The following CPAMD8 variants were observed in gnomAD, a reference collection of about 807,000 sequenced individuals.
CPAMD8 encodes C3 and PZP-like alpha-2-macroglobulin domain-containing protein 8.
In CPAMD8, 146 loss-of-function variants were observed where a neutral mutation model predicts 224.7. That is an observed-to-expected ratio of 0.65 (90% CI 0.57 to 0.75). The LOEUF is 0.75. Among genes scored for constraint, CPAMD8 ranks in the 30% least tolerant of loss-of-function variants. The pLI, the probability that CPAMD8 is intolerant of heterozygous loss-of-function variation, is 0.00. For synonymous variants in CPAMD8, 966 were observed against 1,044.6 expected (o/e 0.92, Z 1.45); for missense variants, 2,301 against 2,537.5 (o/e 0.91, Z 2.00).
At chr19:16,904,432 A>AAGGC (rs746817106) in intron 31 of CPAMD8, 34 bp downstream of exon 31, 1 of 1,613,884 alleles carries the variant, frequency 6.2e-7, no homozygotes, top group Non-Finnish European at 8.5e-7. Context: ...AGGTATGGCC[A>AAGGC]AGGCAGGCAC....
chr19:16,935,116 G>A (rs1214478672), intron 23 of CPAMD8, among the ~76,000 whole-genome samples: 1 of 152,056 alleles, frequency 6.6e-6, no homozygotes, highest in Non-Finnish European at 1.5e-5. Context: ...TTAACTTAAA[G>A]TTTTGCTAAG....
chr19:16,973,569 G>A (rs762859530), intron 17 of CPAMD8, among the ~76,000 whole-genome samples: 1 of 151,942 alleles, frequency 6.6e-6, no homozygotes, highest in East Asian at 1.9e-4. Context: ...GGCTGGTCTC[G>A]AACTCCTGAC....
In CPAMD8 at chr19:16,896,332, A is replaced by G; in HGVS notation, c.5276-6T>C. On this transcript the variant is annotated splice_region_variant and splice_polypyrimidine_tract_variant and intron_variant, in intron 40 of 41. Coordinates refer to ENST00000443236, the MANE Select transcript of CPAMD8 (RefSeq NM_015692.5). ...CGAGGCCGGCAGCCGCTGCTCTGGA[A>G]GGAAGGGGGCCTCGGTCGGGAGGGC... The G allele has an allele frequency of 6.2e-7, 1 of 1,601,636 alleles. No homozygotes were observed. The highest frequency in any genetic ancestry group is 8.5e-7 in the Non-Finnish European group (1 of 1,174,090).
Position 16,976,051 on chromosome 19 carries a change from T to C in CPAMD8, c.1859A>G (p.Asp620Gly). 1 of 1,611,176 alleles carries C rather than the reference T, an allele frequency of 6.2e-7. No homozygotes were observed. The highest frequency in any genetic ancestry group is 8.5e-7 in the Non-Finnish European group (1 of 1,178,758). The change falls in exon 16 of 42, where the codon GAT (aspartate) becomes GGT (glycine). Residue 620 changes from aspartate to glycine, a missense_variant. Physicochemically the swap from Asp to Gly is moderately conservative, Grantham distance 94. Transcript: ENST00000443236. Reference sequence around the variant, plus strand: ...AGACCTGAGCAGGTAGACACTCTTATCAACTGCGGCGACGCACACACAGCT... The same window carrying C: ...AGACCTGAGCAGGTAGACACTCTTACCAACTGCGGCGACGCACACACAGCT... ...RGSCVCVAAV[D>G]KSVYLLRSGF...
At chr19:16,999,550 A>T (rs1373104451) in intron 10 of CPAMD8, among the ~76,000 whole-genome samples, 1 of 149,054 alleles carries the variant, frequency 6.7e-6, no homozygotes, top group Non-Finnish European at 1.5e-5. Flanking sequence ...ACGCCATTGC[A>T]CTCCAGCCTG....
At chr19:17,001,457 G>GGGAAGGGAGATGCTAGTACCC (rs2056319217) in intron 9 of CPAMD8, among the ~76,000 whole-genome samples, 1 of 146,722 alleles carries the variant, frequency 6.8e-6, no homozygotes, top group Admixed American at 6.9e-5. Context: ...GGTGGGGTTG[G>GGGAAGGGAGATGCTAGTACCC]GAGGGTCACA....
chr19:16,946,083 G>A (rs1168683478), intron 21 of CPAMD8, among the ~76,000 whole-genome samples: 1 of 152,100 alleles, frequency 6.6e-6, no homozygotes, highest in Non-Finnish European at 1.5e-5. Flanking sequence ...AAGTTTGTAT[G>A]TGTATATGCA....
intron 3 of CPAMD8, among the ~76,000 whole-genome samples, chr19:17,012,342 C>CTTTTTTTTTT (rs2056680346): frequency 8.3e-6 from 1 of 119,952 alleles, no homozygotes; most frequent in Non-Finnish European, 1.8e-5. Flanking sequence ...TTCTTTCTTT[C>CTTTTTTTTTT]TTTCTTTCTT....
chr19:16,929,073 G>C lies in CPAMD8; in HGVS notation c.3013C>G (p.His1005Asp), dbSNP rs766779709. 1.2e-6 allele frequency: 2 copies of C among 1,613,628 alleles called. No individual in the cohort carries two copies. The highest frequency in any genetic ancestry group is 3.3e-5 in the Admixed American group (2 of 59,968). ...AGMIEIVLGGHQNTRSWISTS... is the reference protein window; with the variant it reads ...AGMIEIVLGGDQNTRSWISTS... ...GAGATCCATGACCTGGTGTTCTGAT[G>C]CCCCCCCAGGACGATCTCGATCATG... The change falls in exon 24 of 42, where the codon CAT becomes GAT. Residue 1005 changes from histidine to aspartate, a missense_variant. Transcript: ENST00000443236.
chr19:17,025,671 A>T (rs2057061781), intron 1 of CPAMD8, among the ~76,000 whole-genome samples: 1 of 152,114 alleles, frequency 6.6e-6, no homozygotes, highest in South Asian at 2.1e-4. Context: ...GGGAGACAAA[A>T]ATCCCCCCCA....
At chr19:16,914,630 G>A (rs367989285) in intron 28 of CPAMD8, 27 bp downstream of exon 28, 202 of 1,613,388 alleles carry the variant, frequency 1.3e-4, no homozygotes, top group Non-Finnish European at 1.6e-4. Flanking sequence ...TGAGGGGCCC[G>A]GGAAGGAGGC....
chr19:17,011,054 C>T (rs1477340838), intron 5 of CPAMD8, among the ~76,000 whole-genome samples: 1 of 151,746 alleles, frequency 6.6e-6, no homozygotes, highest in South Asian at 2.1e-4. Flanking sequence ...ATCAGCCGGG[C>T]GTGGTGGTGG....
Position 16,898,163 on chromosome 19 carries a change from GAGAC to G in CPAMD8, c.4849-173_4849-170del, listed in dbSNP as rs2052107650. ...ACTTTTCTTTTTTTTTTTTTTTCCTGAGACAGAGTCTCGCGCTGTTGCCCAGGCT... is the reference window on the plus strand; with the variant it reads ...ACTTTTCTTTTTTTTTTTTTTTCCTGAGAGTCTCGCGCTGTTGCCCAGGCT... On this transcript the variant is annotated intron_variant, in intron 37 of 41. Coordinates refer to ENST00000443236, the MANE Select transcript of CPAMD8 (RefSeq NM_015692.5). The surrounding 1 kb of genome is among the most constrained non-coding windows in gnomAD (Gnocchi z 4.2). 1.8e-6 allele frequency: 1 copy of G among 546,370 alleles called. No homozygotes were observed. Among genetic ancestry groups the G allele is most frequent in the African/African-American group, 2.2e-5 (1 of 44,868 alleles). 33.8% of individuals were successfully genotyped at this position (546,370 alleles called of 1,614,324 possible). A position where few individuals can be genotyped will look rare whatever the true frequency, so the allele number is the denominator to read the frequency against.
chr19:17,004,188 GA>G (rs1221393637), intron 8 of CPAMD8, 84 bp downstream of exon 8: 6 of 900,884 alleles, frequency 6.7e-6, no homozygotes, highest in Non-Finnish European at 1.1e-5. Flanking sequence ...TTACAGGCGA[GA>G]GCCCTTGCAC....
At chr19:17,009,372 C>T in intron 5 of CPAMD8, 52 bp from the exon 6 acceptor site, 8 of 1,613,686 alleles carry the variant, frequency 5.0e-6, no homozygotes, top group Non-Finnish European at 5.9e-6. Flanking sequence ...AACCCCAAAC[C>T]CTTTCAACAT....
chr19:16,929,365 G>A (rs1356107976), intron 23 of CPAMD8, 125 bp from the exon 24 acceptor site: 9 of 715,712 alleles, frequency 1.3e-5, no homozygotes, highest in Admixed American at 2.7e-5. Context: ...CGGCACACAT[G>A]GTGGAATGGT....
intron 18 of CPAMD8, among the ~76,000 whole-genome samples, chr19:16,967,622 T>C (rs1359592385): frequency 6.6e-6 from 1 of 151,822 alleles, no homozygotes; most frequent in Non-Finnish European, 1.5e-5. Flanking sequence ...CTGGCTAACA[T>C]GGTGAAACCC....
rs183589593 is a variant in CPAMD8, at chr19:16,995,078, C to T, written c.1096-1492G>A. Among the ~76,000 whole-genome samples, 8 of 152,310 alleles carry T rather than the reference C, an allele frequency of 5.3e-5. No individual in the cohort carries two copies. In the East Asian group the frequency reaches 9.6e-4, roughly 18 times the overall value. On this transcript the variant is annotated intron_variant, in intron 11 of 41. Transcript: ENST00000443236. ...TCTTCATACACATTCTGACCCCGCA[C>T]GAGGTACTTTAGTTTCTACTCAAGC...
At chr19:16,947,581 C>A (rs191053112) in intron 20 of CPAMD8, among the ~76,000 whole-genome samples, 2 of 152,192 alleles carry the variant, frequency 1.3e-5, no homozygotes, top group Non-Finnish European at 2.9e-5. Context: ...ATGGATGTAA[C>A]CTCTCCCACA....
Sources: allele counts gnomAD v4.1 joint callset (sites outside exome capture counted in the v4.1 genomes callset), GRCh38; gene constraint gnomAD v4.1.1; non-coding constraint Gnocchi (gnomAD v3.1); transcripts MANE v1.5; gene names NCBI Gene and HGNC (gene_info 2026-07-23, HGNC 2026-07-21).